Variants in DLG2 observed in about 807,000 individuals in gnomAD.
The protein encoded by DLG2 is discs large MAGUK scaffold protein 2.
In DLG2, 45 loss-of-function variants were observed where a neutral mutation model predicts 132.5. The observed-to-expected ratio is 0.34, with a 90% CI of 0.27 to 0.44. The LOEUF (loss-of-function observed/expected upper bound fraction) is 0.44. Among genes scored for constraint, DLG2 ranks in the 20% least tolerant of loss-of-function variants. DLG2 has a pLI of 1.00. For synonymous variants in DLG2, 424 were observed against 419.6 expected, an observed-to-expected ratio of 1.01 and a Z score of -0.13; for missense variants, 1,045 against 1,196.9, an observed-to-expected ratio of 0.87 and a Z score of 1.87.
intron 18 of DLG2, among the ~76,000 whole-genome samples, chr11:83,736,642 T>A (rs2091933303): frequency 6.6e-6 from 1 of 152,172 alleles, no homozygotes; most frequent in Non-Finnish European, 1.5e-5. Context: ...GTGTGTATGA[T>A]TTGTTGCTCT....
At chr11:85,437,274 A>C (rs2091536516) in intron 3 of DLG2, among the ~76,000 whole-genome samples, 1 of 151,908 alleles carries the variant, frequency 6.6e-6, no homozygotes, top group South Asian at 2.1e-4. Flanking sequence ...TATGTGACAA[A>C]CCTGCATGTT....
At chr11:84,555,678 G>A (rs2099410544) in intron 6 of DLG2, among the ~76,000 whole-genome samples, 1 of 152,226 alleles carries the variant, frequency 6.6e-6, no homozygotes, top group Non-Finnish European at 1.5e-5. Context: ...GAAATAGGGA[G>A]CTGTTTAAAG....
chr11:83,512,292 C>G (rs1466843031), intron 21 of DLG2, among the ~76,000 whole-genome samples: 2 of 152,108 alleles, frequency 1.3e-5, no homozygotes, highest in African/African-American at 4.8e-5. Flanking sequence ...TTGGAGAGGG[C>G]TGGAGCTCAG....
intron 6 of DLG2, among the ~76,000 whole-genome samples, chr11:84,729,687 G>T (rs2062928416): frequency 6.6e-6 from 1 of 152,082 alleles, no homozygotes; most frequent in Admixed American, 6.6e-5. Context: ...GTCATACTTA[G>T]AATGTTTGCA....
chr11:83,890,658 C>T (rs1159384347), intron 15 of DLG2, among the ~76,000 whole-genome samples: 2 of 152,142 alleles, frequency 1.3e-5, no homozygotes, highest in African/African-American at 4.8e-5. Context: ...AGTACCTTTT[C>T]ACAGTTTGCT....
intron 5 of DLG2, among the ~76,000 whole-genome samples, chr11:85,154,135 GAAAAAAAAAAAAAAA>G (rs34094958): frequency 1.7e-5 from 1 of 57,674 alleles, no homozygotes; most frequent in Admixed American, 2.2e-4. Flanking sequence ...TTCTTTTGGA[GAAAAAAAAAAAAAAA>G]AAAAAAAAAA....
At chr11:84,507,717 C>A (rs974168711) in intron 7 of DLG2, among the ~76,000 whole-genome samples, 2 of 152,134 alleles carry the variant, frequency 1.3e-5, no homozygotes, top group South Asian at 4.1e-4. Flanking sequence ...TTTTCTATGT[C>A]TATTGAGATG....
intron 3 of DLG2, among the ~76,000 whole-genome samples, chr11:85,317,171 ATC>A (rs763126692): frequency 2.0e-5 from 3 of 151,996 alleles, no homozygotes; most frequent in Non-Finnish European, 2.9e-5. Flanking sequence ...TTGTTTGAGG[ATC>A]TGAGAGAAAG....
At chr11:83,816,728 A>T (rs2049056222) in intron 17 of DLG2, among the ~76,000 whole-genome samples, 1 of 152,188 alleles carries the variant, frequency 6.6e-6, no homozygotes, top group Non-Finnish European at 1.5e-5. Flanking sequence ...ATCAGAAAAC[A>T]TTTTACAATT....
chr11:85,307,793 T>C (rs771329768), intron 3 of DLG2, among the ~76,000 whole-genome samples: 7 of 152,218 alleles, frequency 4.6e-5, no homozygotes, highest in Non-Finnish European at 1.0e-4. Flanking sequence ...TTGTGTTTAA[T>C]TGGATGATAA....
intron 3 of DLG2, among the ~76,000 whole-genome samples, chr11:85,463,989 T>TACACTCACACACACACAC (rs2092698682): frequency 7.2e-6 from 1 of 139,414 alleles, no homozygotes. Context: ...GACATACATG[T>TACACTCACACACACACAC]ACACACACAC....
chr11:85,086,650 G>C (rs1318091390), intron 6 of DLG2, among the ~76,000 whole-genome samples: 1 of 152,094 alleles, frequency 6.6e-6, no homozygotes, highest in Non-Finnish European at 1.5e-5. Flanking sequence ...AGGAAGGAGA[G>C]GCAAATCACA....
chr11:85,628,249 A>C (rs1255285640), upstream of DLG2, among the ~76,000 whole-genome samples: 4 of 152,342 alleles, frequency 2.6e-5, no homozygotes, highest in Admixed American at 6.5e-5. Flanking sequence ...GCAGGCAGCT[A>C]GTTCCCAGCT....
intron 19 of DLG2, among the ~76,000 whole-genome samples, chr11:83,579,691 C>A (rs1288174545): frequency 6.6e-6 from 1 of 151,944 alleles, no homozygotes; most frequent in African/African-American, 2.4e-5. Flanking sequence ...TAAATTTGGG[C>A]CAGGTGTGGT....
At chr11:85,394,853 A>G (rs1344928188) in intron 3 of DLG2, among the ~76,000 whole-genome samples, 1 of 152,190 alleles carries the variant, frequency 6.6e-6, no homozygotes, top group Non-Finnish European at 1.5e-5. Flanking sequence ...TAGTGTAAGA[A>G]CATGTGAACC....
chr11:83,974,355 T>TA (rs140285775), intron 12 of DLG2, among the ~76,000 whole-genome samples: 6,470 of 152,166 alleles, frequency 0.043, 196 homozygotes, highest in Non-Finnish European at 0.067. Flanking sequence ...TCACATTTCC[T>TA]AAAGTATTTC....
At chr11:84,081,450 A>AG (rs1034902245) in intron 10 of DLG2, among the ~76,000 whole-genome samples, 6 of 151,840 alleles carry the variant, frequency 4.0e-5, no homozygotes, top group Admixed American at 3.9e-4. Context: ...AGAAAAAAAA[A>AG]AGTAACAAGG....
rs556669408 is a variant in DLG2, at chr11:85,039,830, G to A, written c.357+71831C>T. ...CTTTGTATCTTTAATATCTAGCACA[G>A]TGTCTGCAACTTGGTAAGACTCTTT... On this transcript the variant is annotated intron_variant, in intron 6 of 27. Transcript: ENST00000376104. Among the ~76,000 whole-genome samples the A allele has an allele frequency of 4.3e-4, 66 of 151,998 alleles. 2 individuals are homozygous for A. The South Asian group carries it at 0.014, about 31-fold the overall frequency.
chr11:84,201,467 A>G (rs1414200457), intron 8 of DLG2, among the ~76,000 whole-genome samples: 1 of 152,074 alleles, frequency 6.6e-6, no homozygotes. Context: ...TCATAGAATG[A>G]GTTAGGGAGG....
Sources: allele counts gnomAD v4.1 joint callset (sites outside exome capture counted in the v4.1 genomes callset), GRCh38; gene constraint gnomAD v4.1.1; transcripts MANE v1.5; gene names NCBI Gene and HGNC (gene_info 2026-07-23, HGNC 2026-07-21).